The following TRMT44 variants were observed in gnomAD, a reference collection of about 807,000 sequenced individuals.
TRMT44 encodes probable tRNA (uracil-O(2)-)-methyltransferase.
Under a neutral mutation model 77.3 loss-of-function variants are expected in TRMT44, and 78 were observed. That is an observed-to-expected ratio of 1.01 (90% CI 0.84 to 1.22). The LOEUF is 1.22. Ranked by LOEUF, TRMT44 falls within the 50% of genes most tolerant of loss-of-function variation. The pLI, the probability that TRMT44 is intolerant of heterozygous loss-of-function variation, is 0.00. For missense variants in TRMT44, 1,090 were observed against 964.4 expected, an observed-to-expected ratio of 1.13 and a Z score of -1.73; for synonymous variants, 391 against 383.3, an observed-to-expected ratio of 1.02 and a Z score of -0.23.
intron 2 of TRMT44, among the ~76,000 whole-genome samples, chr4:8,447,695 G>A (rs1228250144): frequency 2.0e-5 from 3 of 152,212 alleles, no homozygotes; most frequent in Non-Finnish European, 2.9e-5. Flanking sequence ...AGGCCCTGTA[G>A]CATGAAGCCC....
intron 6 of TRMT44, among the ~76,000 whole-genome samples, chr4:8,459,648 G>T (rs771082367): frequency 1.1e-4 from 17 of 152,144 alleles, no homozygotes; most frequent in Non-Finnish European, 2.1e-4. Flanking sequence ...TTTCGAAAAG[G>T]TCCTACTTCA....
At chr4:8,449,956 T>C (rs1467574260) in intron 3 of TRMT44, 68 bp downstream of exon 3, 457 of 701,364 alleles carry the variant, frequency 6.5e-4, no homozygotes, top group South Asian at 1.8e-3. Flanking sequence ...TTTCTTTTTT[T>C]TTTTTTTTTT....
downstream of TRMT44, among the ~76,000 whole-genome samples, chr4:8,480,290 C>T (rs933838833): frequency 4.6e-5 from 7 of 152,186 alleles, no homozygotes; most frequent in South Asian, 2.1e-4. Context: ...GACCCAAGCA[C>T]GCACTGTGGA....
chr4:8,514,379 C>T, the TRMT44 span, among the ~76,000 whole-genome samples: 1 of 151,140 alleles, frequency 6.6e-6, no homozygotes, highest in African/African-American at 2.4e-5. Flanking sequence ...GATCTTGGCT[C>T]ACTGCAACCT....
chr4:8,512,731 G>A, the TRMT44 span: 1 of 152,112 alleles, frequency 6.6e-6, no homozygotes, highest in Admixed American at 6.5e-5. Context: ...GTCCTTCATG[G>A]GTTTTCAAAT....
At chr4:8,441,630 T>C (rs1278394529) in intron 1 of TRMT44, among the ~76,000 whole-genome samples, 189 bp downstream of exon 1, 1 of 152,138 alleles carries the variant, frequency 6.6e-6, no homozygotes, top group East Asian at 1.9e-4. Context: ...GGATAATTGA[T>C]TGGGGTGGTG....
At chr4:8,463,933 TAG>T in intron 6 of TRMT44, 50 bp from the exon 7 acceptor site, 2 of 1,500,590 alleles carry the variant, frequency 1.3e-6, no homozygotes, top group Non-Finnish European at 1.8e-6. Context: ...GCCCACGCAG[TAG>T]CTCTACAATG....
chr4:8,510,933 A>ATGGAGAG, the TRMT44 span: 1 of 152,600 alleles, frequency 6.6e-6, no homozygotes, highest in South Asian at 2.1e-4. Context: ...CCCAATGAGG[A>ATGGAGAG]TGGAGAGAAA....
At chr4:8,448,148 G>A (rs537748058) in intron 2 of TRMT44, among the ~76,000 whole-genome samples, 37 of 152,250 alleles carry the variant, frequency 2.4e-4, no homozygotes, top group Admixed American at 2.0e-3. Context: ...TCACCGGGCC[G>A]CTATTCCTTG....
At chr4:8,507,213 C>T in the TRMT44 span, 1 of 152,444 alleles carries the variant, frequency 6.6e-6, no homozygotes, top group Non-Finnish European at 1.5e-5. Flanking sequence ...CACCTCAGCC[C>T]TGGCCTATGT....
At position 8,461,308 on chromosome 4, in the gene TRMT44, T is replaced by A. The variant is rs528914031; in HGVS notation, c.1204-2677T>A. Among the ~76,000 whole-genome samples the A allele has an allele frequency of 2.6e-5, 4 of 152,326 alleles. No individual in the cohort carries two copies. In the South Asian group the frequency reaches 6.2e-4, roughly 24 times the overall value. ...GTGCACTCGGGAGGCTCTGCAAATA[T>A]GTGTGTAGACTATAGACTCTCACAC... is the stretch of plus-strand genomic sequence containing the variant. On this transcript the variant is annotated intron_variant, in intron 6 of 10. Transcript: ENST00000389737. This position sits in a 1 kb window ranked among gnomAD's most constrained non-coding sequence, Gnocchi z 4.6.
intron 6 of TRMT44, among the ~76,000 whole-genome samples, chr4:8,458,459 C>CTTTTT (rs1156752172): frequency 1.2e-3 from 176 of 142,606 alleles, no homozygotes; most frequent in African/African-American, 4.3e-3. Flanking sequence ...ATTTTCTTTT[C>CTTTTT]TTTTCTTTTT....
At chr4:8,504,892 G>A in the TRMT44 span, among the ~76,000 whole-genome samples, 26 of 152,224 alleles carry the variant, frequency 1.7e-4, no homozygotes, top group African/African-American at 6.0e-4. This position sits in a 1 kb window ranked among gnomAD's most constrained non-coding sequence, Gnocchi z 5.3. Flanking sequence ...ATAGGCCCCC[G>A]CAGGGTACCT....
At chr4:8,473,619 A>AG (rs1435392071) in intron 10 of TRMT44, 1 of 152,342 alleles carries the variant, frequency 6.6e-6, no homozygotes, top group East Asian at 1.9e-4. Flanking sequence ...TCCTGTGCTG[A>AG]GGTAGAGTCC....
At chr4:8,466,094 C>T (rs1000345859) in intron 8 of TRMT44, among the ~76,000 whole-genome samples, 4 of 152,238 alleles carry the variant, frequency 2.6e-5, no homozygotes, top group Non-Finnish European at 5.9e-5. Flanking sequence ...CTTATGCCCT[C>T]TTGCCGCTCC....
chr4:8,449,928 G>GT, intron 3 of TRMT44, 40 bp downstream of exon 3: 2 of 303,242 alleles, frequency 6.6e-6, no homozygotes, highest in Non-Finnish European at 4.9e-6. Context: ...CCCCCTTCAT[G>GT]ATTTTCTTTT....
Position 8,491,821 on chromosome 4 carries a change from C to T in TRMT44, n.3892-1445C>T, listed in dbSNP as rs139209899. 5.8e-3 allele frequency among the ~76,000 whole-genome samples: 886 copies of T among 152,360 alleles called. 6 individuals carry two copies. The highest frequency in any genetic ancestry group is 9.8e-3 in the Non-Finnish European group (665 of 68,034). On this transcript the variant is annotated intron_variant and non_coding_transcript_variant, in intron 2 of 2. Transcript: ENST00000511366. ...ACACATCCCTGCAAGCTGAGGGAGC[C>T]AGCTGTGGCCTTGGCCAGCACAGAA...
At position 8,483,524 on chromosome 4, in the gene TRMT44, T is replaced by C. The variant is rs372460661; in HGVS notation, n.3891+3991T>C. Among the ~76,000 whole-genome samples the C allele has an allele frequency of 1.1e-4, 16 of 152,286 alleles. No homozygotes were observed. In the East Asian group the frequency reaches 2.9e-3, roughly 28 times the overall value. ...AAATGGGCTGTACCCTGTAGCATTCTGAGGACAGGTCTGACTTCTGAGAAG... is the reference window on the plus strand; with the variant it reads ...AAATGGGCTGTACCCTGTAGCATTCCGAGGACAGGTCTGACTTCTGAGAAG... On this transcript the variant is annotated intron_variant and non_coding_transcript_variant, in intron 2 of 2. Transcript: ENST00000511366.
At chr4:8,458,757 G>A (rs949048152) in intron 6 of TRMT44, among the ~76,000 whole-genome samples, 5 of 151,854 alleles carry the variant, frequency 3.3e-5, no homozygotes, top group Admixed American at 6.6e-5. Context: ...AGCCAGCCAC[G>A]ATTTTCTTAA....
Sources: gnomAD v4.1 joint callset for allele counts (sites outside exome capture counted in the v4.1 genomes callset) on GRCh38, gnomAD v4.1.1 for gene constraint, Gnocchi (gnomAD v3.1) non-coding constraint, MANE v1.5 for transcripts, NCBI Gene and HGNC (gene_info 2026-07-23, HGNC 2026-07-21) for gene names.